The following UBAP2L variants were observed in gnomAD, a reference collection of about 807,000 sequenced individuals.
UBAP2L encodes the protein ubiquitin associated protein 2 like.
UBAP2L carries 12 observed loss-of-function variants against 130.6 expected under a neutral mutation model. The observed-to-expected ratio is 0.09, with a 90% confidence interval of 0.06 to 0.15. UBAP2L has a LOEUF of 0.15. Among genes scored for constraint, UBAP2L ranks in the 10% least tolerant of loss-of-function variants. The pLI is 1.00. For synonymous variants in UBAP2L, 503 were observed against 524.7 expected, an observed-to-expected ratio of 0.96 and a Z score of 0.57; for missense variants, 965 against 1,332.5, an observed-to-expected ratio of 0.72 and a Z score of 4.29.
intron 20 of UBAP2L, 137 bp downstream of exon 20, chr1:154,257,571 C>A: frequency 1.2e-6 from 1 of 852,144 alleles, no homozygotes; most frequent in East Asian, 2.6e-5. Flanking sequence ...CTGTGGAATC[C>A]ATGTATATGA....
chr1:154,257,645 T>C (rs1451011897), intron 20 of UBAP2L: 2 of 582,118 alleles, frequency 3.4e-6, no homozygotes, highest in Non-Finnish European at 6.1e-6. Context: ...AAAATTCATA[T>C]ATAAACAGCG....
rs951385897 is a variant in UBAP2L, at chr1:154,259,786, G to C, written c.2497-162G>C. On this transcript the variant is annotated intron_variant, in intron 21 of 26. Coordinates refer to ENST00000428931, the MANE Select transcript of UBAP2L (RefSeq NM_014847.4). ...TGGCCAGGCAGGGGGGACAGTGTAT[G>C]CAAGAGTAATGTGGAGTTTGTGCTA... 17 of 816,662 alleles carry C rather than the reference G, an allele frequency of 2.1e-5. No individual in the cohort carries two copies. In the African/African-American group the frequency reaches 2.8e-4, roughly 14 times the overall value. 50.6% of individuals were successfully genotyped at this position (816,662 alleles called of 1,614,324 possible). A position where few individuals can be genotyped will look rare whatever the true frequency, so the allele number is the denominator to read the frequency against.
chr1:154,227,349 A>T lies in UBAP2L; in HGVS notation c.158A>T (p.Lys53Met), dbSNP rs1157738083. Residue 53 changes from lysine (K) to methionine (M), a missense_variant, in exon 3 of 27, where the codon AAG becomes ATG. This residue lies in a region of UBAP2L where 34 missense variants were observed against 101.4 expected (regional missense o/e 0.34). Transcript: ENST00000428931. ...SDHNDADFEE[K>M]VKQLIDITGK... is the part of the protein sequence containing the mutation. ...CATAATGATGCTGACTTTGAGGAGA[A>T]GGTGAAACAAGTGAGTGTATCACTA... 2 of 1,613,306 alleles carry T rather than the reference A, an allele frequency of 1.2e-6. No homozygotes were observed. Among genetic ancestry groups the T allele is most frequent in the Non-Finnish European group, 1.7e-6 (2 of 1,179,396 alleles).
chr1:154,232,318 G>A (rs1670106835), intron 4 of UBAP2L, among the ~76,000 whole-genome samples: 1 of 144,752 alleles, frequency 6.9e-6, no homozygotes, highest in Non-Finnish European at 1.5e-5. Context: ...GTGAGACTAA[G>A]TTTCCAAAAA....
Position 154,266,753 on chromosome 1 carries a change from CTG to C in UBAP2L, c.2970+186_2970+187del, listed in dbSNP as rs556338908. Among the ~76,000 whole-genome samples the C allele has an allele frequency of 4.2e-3, 640 of 152,190 alleles. 3 individuals are homozygous for C. Among genetic ancestry groups the C allele is most frequent in the Non-Finnish European group, 5.2e-3 (356 of 68,016 alleles). On this transcript the variant is annotated intron_variant, in intron 25 of 26. Transcript: ENST00000428931. Reference sequence around the variant, plus strand: ...CTCTAAGAAGTTAAAATTTAGCCCTCTGAGAAAAAAAACGAGAAACGTAATAG... The same window carrying C: ...CTCTAAGAAGTTAAAATTTAGCCCTCAGAAAAAAAACGAGAAACGTAATAG...
At chr1:154,245,811 A>G (rs1675271011) in intron 10 of UBAP2L, among the ~76,000 whole-genome samples, 1 of 152,080 alleles carries the variant, frequency 6.6e-6, no homozygotes, top group Admixed American at 6.5e-5. Flanking sequence ...TCCCAGCTAC[A>G]GGCTGAGGCA....
chr1:154,240,300 G>C (rs1673094289), intron 8 of UBAP2L, among the ~76,000 whole-genome samples: 1 of 151,902 alleles, frequency 6.6e-6, no homozygotes, highest in Admixed American at 6.6e-5. Flanking sequence ...TATTTTTTAA[G>C]AAAGGACATT....
intron 9 of UBAP2L, among the ~76,000 whole-genome samples, chr1:154,241,983 T>C (rs1274813715): frequency 2.6e-5 from 4 of 152,210 alleles, no homozygotes; most frequent in South Asian, 2.1e-4. Context: ...AAAGCGAGTG[T>C]TGTGGTACCA....
At chr1:154,228,755 TG>T (rs1668811433) in intron 4 of UBAP2L, 30 bp downstream of exon 4, 2 of 1,536,746 alleles carry the variant, frequency 1.3e-6, no homozygotes, top group South Asian at 2.3e-5. Flanking sequence ...TTCTAGGACA[TG>T]GGTCCTCAAT....
At position 154,261,112 on chromosome 1, in the gene UBAP2L, G is replaced by A; in HGVS notation, c.2796+3G>A. On this transcript the variant is annotated splice_donor_region_variant and intron_variant, in intron 23 of 26. Transcript: ENST00000428931. ...AGTATGGGCCTGCTGTGTTCCCTGT[G>A]AGTACCTGGCTTTGGTCACTCCTTG... is the stretch of plus-strand genomic sequence containing the variant. 6.2e-7 allele frequency: 1 copy of A among 1,613,132 alleles called. No homozygotes were observed. The highest frequency in any genetic ancestry group is 8.5e-7 in the Non-Finnish European group (1 of 1,179,352).
intron 8 of UBAP2L, among the ~76,000 whole-genome samples, chr1:154,239,789 C>T (rs1183008684): frequency 3.9e-5 from 6 of 152,092 alleles, no homozygotes; most frequent in African/African-American, 1.2e-4. Context: ...TGGATTCCAT[C>T]GAGCCAGGAT....
chr1:154,235,103 T>C (rs1354937890), intron 5 of UBAP2L, 93 bp from the exon 6 acceptor site: 11 of 680,894 alleles, frequency 1.6e-5, no homozygotes, highest in Non-Finnish European at 2.7e-5. Flanking sequence ...ATACCATTTA[T>C]ATATTTGTAT....
In UBAP2L at chr1:154,230,616, G is replaced by GT. The variant is rs529199258; in HGVS notation, c.279+1897dup. On this transcript the variant is annotated intron_variant, in intron 4 of 26. Transcript: ENST00000428931. ...TTTATGTTTTTTTAAAAGTCTGAATGTTTTTTCGCAAATCACATTTTATCT... is the reference window on the plus strand; with the variant it reads ...TTTATGTTTTTTTAAAAGTCTGAATGTTTTTTTCGCAAATCACATTTTATCT... 2.2e-3 allele frequency among the ~76,000 whole-genome samples: 330 copies of GT among 152,182 alleles called. 5 individuals are homozygous for GT. Among genetic ancestry groups the GT allele is most frequent in the African/African-American group, 7.6e-3 (315 of 41,514 alleles).
At position 154,270,773 on chromosome 1, in the gene UBAP2L, T is replaced by TTTG; in HGVS notation, c.*480_*481insGTT. Reference sequence around the variant, plus strand: ...TAGTTGAAGTGGTTTTTTTTTTGTTTTTTTTTTTTTTTTGTACTGTGTCCT... The same window carrying TTTG: ...TAGTTGAAGTGGTTTTTTTTTTGTTTTTGTTTTTTTTTTTTTGTACTGTGTCCT... On this transcript the variant is annotated 3_prime_UTR_variant, in exon 27 of 27. Coordinates refer to ENST00000428931, the MANE Select transcript of UBAP2L (RefSeq NM_014847.4). 13 of 1,199,254 alleles carry TTTG rather than the reference T, an allele frequency of 1.1e-5. No individual in the cohort carries two copies. The East Asian group carries it at 4.1e-4, about 38-fold the overall frequency. The allele number at this position is 1,199,254 out of a possible 1,614,324, so 74.3% of individuals were successfully genotyped here. A position where few individuals can be genotyped will look rare whatever the true frequency, so the allele number is the denominator to read the frequency against.
intron 10 of UBAP2L, 26 bp from the exon 11 acceptor site, chr1:154,246,178 T>C (rs765863560): frequency 1.3e-6 from 2 of 1,585,658 alleles, no homozygotes; most frequent in South Asian, 1.1e-5. Context: ...TCATTCTTCA[T>C]GAAGATCCCT....
At chr1:154,234,535 T>C in intron 4 of UBAP2L, 56 bp from the exon 5 acceptor site, 1 of 1,587,502 alleles carries the variant, frequency 6.3e-7, no homozygotes, top group Non-Finnish European at 8.6e-7. Context: ...CTTTCATCTC[T>C]AGTGTCCTGA....
chr1:154,261,505 T>C (rs1681541584), intron 23 of UBAP2L, 87 bp from the exon 24 acceptor site: 1 of 1,294,606 alleles, frequency 7.7e-7, no homozygotes, highest in African/African-American at 1.5e-5. Flanking sequence ...GGTAGCCATC[T>C]GAATGGCCAG....
intron 10 of UBAP2L, 123 bp from the exon 11 acceptor site, chr1:154,246,081 G>GT: frequency 9.5e-7 from 1 of 1,057,628 alleles, no homozygotes; most frequent in African/African-American, 1.6e-5. Context: ...AGGCTTTTGT[G>GT]TTTGAACCCT....
At chr1:154,245,448 G>A (rs565281851) in intron 10 of UBAP2L, among the ~76,000 whole-genome samples, 1 of 152,168 alleles carries the variant, frequency 6.6e-6, no homozygotes, top group Admixed American at 6.5e-5. Flanking sequence ...TACGAAAATT[G>A]TGGGAAAAAA....
Sources: gnomAD v4.1 joint callset for allele counts (sites outside exome capture counted in the v4.1 genomes callset) on GRCh38, gnomAD v4.1.1 for gene constraint, gnomAD v4.1.1 regional missense constraint, MANE v1.5 for transcripts, NCBI Gene and HGNC (gene_info 2026-07-23, HGNC 2026-07-21) for gene names.